The following MCM9 variants were observed in gnomAD, a reference collection of about 807,000 sequenced individuals.
MCM9 encodes DNA helicase MCM9.
MCM9 carries 55 observed loss-of-function variants against 72.8 expected under a neutral mutation model. That is an observed-to-expected ratio of 0.76 (90% CI 0.61 to 0.95). MCM9 has a LOEUF of 0.95. MCM9 is among the 40% of genes least tolerant of loss of function. The probability of loss-of-function intolerance (pLI) is 0.00; values close to 1 mark genes in which losing one functional copy is unlikely to be tolerated. For synonymous variants in MCM9, 480 were observed against 503.4 expected (o/e 0.95, Z 0.62); for missense variants, 1,279 against 1,377.0 (o/e 0.93, Z 1.13).
chr6:118,873,917 CA>C (rs1302215084), intron 8 of MCM9, among the ~76,000 whole-genome samples: 1 of 152,092 alleles, frequency 6.6e-6, no homozygotes, highest in East Asian at 1.9e-4. Context: ...AAGAATTGTA[CA>C]CCATGAACAA....
chr6:118,929,854 T>C (rs1004517047), intron 3 of MCM9, among the ~76,000 whole-genome samples: 2 of 152,102 alleles, frequency 1.3e-5, no homozygotes, highest in Admixed American at 6.6e-5. Flanking sequence ...CTTGATCCCA[T>C]CAAGAGATTA....
chr6:118,907,824 T>C, intron 8 of MCM9: 1 of 491,884 alleles, frequency 2.0e-6, no homozygotes, highest in Non-Finnish European at 3.6e-6. Context: ...TGTGTTATTT[T>C]ATTTGTTCTG....
chr6:118,814,731 A>G lies in MCM9; in HGVS notation c.*93T>C. ...TTCAGAGTGATCCTCAATATGGCCA[A>G]TTGTTCTATACATTTATAAATACCA... On this transcript the variant is annotated 3_prime_UTR_variant, in exon 14 of 14. Coordinates refer to ENST00000619706, the MANE Select transcript of MCM9 (RefSeq NM_017696.3). 1 of 1,242,426 alleles carries G rather than the reference A, an allele frequency of 8.0e-7. No homozygotes were observed. Among genetic ancestry groups the G allele is most frequent in the Non-Finnish European group, 1.1e-6 (1 of 920,720 alleles). 77.0% of individuals were successfully genotyped at this position (1,242,426 alleles called of 1,614,324 possible). A position where few individuals can be genotyped will look rare whatever the true frequency, so the allele number is the denominator to read the frequency against.
In MCM9 at chr6:118,916,365, C is replaced by T. The variant is rs1232195052; in HGVS notation, c.904+1196G>A. Among the ~76,000 whole-genome samples, 3 of 145,602 alleles carry T rather than the reference C, an allele frequency of 2.1e-5. No individual in the cohort carries two copies. In the South Asian group the frequency reaches 6.5e-4, roughly 31 times the overall value. On this transcript the variant is annotated intron_variant, in intron 6 of 13. Coordinates refer to ENST00000619706, the MANE Select transcript of MCM9 (RefSeq NM_017696.3). Reference sequence around the variant, plus strand: ...AATGTGCTATACATTTACACACACACACAAAAAAAAAAGAAAAAAGAAAAA... The same window carrying T: ...AATGTGCTATACATTTACACACACATACAAAAAAAAAAGAAAAAAGAAAAA...
intron 8 of MCM9, among the ~76,000 whole-genome samples, chr6:118,906,578 G>C (rs753501439): frequency 6.6e-6 from 1 of 152,046 alleles, no homozygotes; most frequent in African/African-American, 2.4e-5. Flanking sequence ...CTATGAATAC[G>C]GTTATCTCAA....
intron 3 of MCM9, among the ~76,000 whole-genome samples, chr6:118,926,112 G>A (rs937720117): frequency 6.6e-6 from 1 of 152,096 alleles, no homozygotes; most frequent in Admixed American, 6.5e-5. Context: ...CCTAGCTGCT[G>A]GCAACCATTG....
rs1230749924 is a variant in MCM9, at chr6:118,894,320, G to A, written c.1150+17330C>T. 5 of 1,514,318 alleles carry A rather than the reference G, an allele frequency of 3.3e-6. No homozygotes were observed. The Admixed American group carries it at 6.3e-5, about 19-fold the overall frequency. 93.8% of individuals were successfully genotyped at this position (1,514,318 alleles called of 1,614,324 possible). On this transcript the variant is annotated intron_variant, in intron 8 of 13. Coordinates refer to ENST00000619706, the MANE Select transcript of MCM9 (RefSeq NM_017696.3). Reference sequence around the variant, plus strand: ...GCTGCACGACGTCTGGCCGGCGCTGGAGCGGGGGTCTGCGCTCTCCCGAGC... The same window carrying A: ...GCTGCACGACGTCTGGCCGGCGCTGAAGCGGGGGTCTGCGCTCTCCCGAGC...
chr6:118,837,581 G>A (rs1775050266), intron 9 of MCM9, among the ~76,000 whole-genome samples: 1 of 152,188 alleles, frequency 6.6e-6, no homozygotes, highest in Admixed American at 6.5e-5. Flanking sequence ...ATTCAGGATA[G>A]TTAGGTCTTC....
chr6:118,845,790 T>C (rs940869313), intron 9 of MCM9, among the ~76,000 whole-genome samples: 2 of 151,790 alleles, frequency 1.3e-5, no homozygotes, highest in African/African-American at 4.9e-5. Context: ...AACTGAATTT[T>C]TTATAGAAAT....
At position 118,934,992 on chromosome 6, in the gene MCM9, T is replaced by G. The variant is rs1782794033; in HGVS notation, c.-251A>C. On this transcript the variant is annotated 5_prime_UTR_variant, in exon 1 of 14. Coordinates refer to ENST00000619706, the MANE Select transcript of MCM9 (RefSeq NM_017696.3). ...TTCGTCTCCGGCGCAAGAAGGCTGG[T>G]GAGGCGGAGTGCGCGCGTGCACGTG... 1 of 152,142 alleles carries G rather than the reference T, an allele frequency of 6.6e-6. No homozygotes were observed. The highest frequency in any genetic ancestry group is 1.5e-5 in the Non-Finnish European group (1 of 68,048). 9.4% of individuals were successfully genotyped at this position (152,142 alleles called of 1,614,324 possible).
intron 1 of MCM9, chr6:118,934,401 G>A (rs1016805574): frequency 2.0e-5 from 3 of 152,176 alleles, no homozygotes; most frequent in African/African-American, 4.8e-5. Context: ...TTGTCCTCTT[G>A]ACCACAGCGA....
intron 13 of MCM9, among the ~76,000 whole-genome samples, chr6:118,817,646 G>T (rs1773498987): frequency 6.6e-6 from 1 of 152,058 alleles, no homozygotes; most frequent in Admixed American, 6.6e-5. Context: ...TCCTTTGGGT[G>T]TATACTCAGT....
In MCM9 at chr6:118,911,742, T is replaced by A; in HGVS notation, c.1058A>T (p.Asp353Val). ...RGESHLLLVG[D>V]PGTGKSQFLK... ...GAACTGAGATTTCCCTGTGCCAGGATCCCCAACCAATAAAAGATGAGATTC... is the reference window on the plus strand; with the variant it reads ...GAACTGAGATTTCCCTGTGCCAGGAACCCCAACCAATAAAAGATGAGATTC... The change falls in exon 8 of 14, where the codon GAT (aspartate) becomes GTT (valine). Residue 353 changes from aspartate (D) to valine (V), a missense_variant. Coordinates refer to ENST00000619706, the MANE Select transcript of MCM9 (RefSeq NM_017696.3). The A allele has an allele frequency of 1.9e-6, 3 of 1,613,296 alleles. No individual in the cohort carries two copies. Among genetic ancestry groups the A allele is most frequent in the Non-Finnish European group, 2.5e-6 (3 of 1,179,708 alleles).
chr6:118,895,000 C>T (rs1361695496), intron 8 of MCM9, among the ~76,000 whole-genome samples: 2 of 152,166 alleles, frequency 1.3e-5, no homozygotes, highest in Non-Finnish European at 2.9e-5. Flanking sequence ...GCGCACGGCG[C>T]CTCCTCTTGC....
At chr6:118,837,086 T>C (rs1407776987) in intron 9 of MCM9, among the ~76,000 whole-genome samples, 1 of 152,228 alleles carries the variant, frequency 6.6e-6, no homozygotes, top group East Asian at 1.9e-4. Context: ...TTGTTCTCAT[T>C]GGTTTCAAAG....
At position 118,815,573 on chromosome 6, in the gene MCM9, T is replaced by C; in HGVS notation, c.2683A>G (p.Arg895Gly). 1 of 1,550,440 alleles carries C rather than the reference T, an allele frequency of 6.4e-7. No homozygotes were observed. Among genetic ancestry groups the C allele is most frequent in the Non-Finnish European group, 8.7e-7 (1 of 1,146,952 alleles). The change falls in exon 14 of 14, where the codon AGA becomes GGA. Residue 895 changes from arginine (R) to glycine (G), a missense_variant. By Grantham distance (125) the Arg-to-Gly change is moderately radical. Coordinates refer to ENST00000619706, the MANE Select transcript of MCM9 (RefSeq NM_017696.3). ...DRMLDSPKRK[R>G]PKSLAQVEEP... ...TCCACTTGCGCAAGGGATTTCGGTC[T>C]CTTTCTTTTGGGTGAGTCCAGCATT...
chr6:118,924,889 A>T (rs1164994164), intron 3 of MCM9, among the ~76,000 whole-genome samples: 5 of 152,112 alleles, frequency 3.3e-5, no homozygotes, highest in Non-Finnish European at 4.4e-5. Flanking sequence ...ATAAAAAATT[A>T]AAAAATCAGC....
At position 118,917,637 on chromosome 6, in the gene MCM9, T is replaced by C; in HGVS notation, c.828A>G (p.Ser276=). Residue 276 remains serine, a synonymous_variant, in exon 6 of 14, where the codon TCA becomes TCG. Coordinates refer to ENST00000619706, the MANE Select transcript of MCM9 (RefSeq NM_017696.3). ...GGACCTCCTCATCCATGATGATCCC[T>C]GAGGACTGCTCATTATTTACTTGGA... is the stretch of plus-strand genomic sequence containing the variant. ...NYIQVNNEQS[S]GIIMDEEVQK... is the part of the protein sequence containing the mutation. The C allele has an allele frequency of 6.2e-7, 1 of 1,614,210 alleles. No individual in the cohort carries two copies.
chr6:118,859,446 A>C (rs1052768921), intron 8 of MCM9, among the ~76,000 whole-genome samples: 2 of 152,374 alleles, frequency 1.3e-5, no homozygotes, highest in African/African-American at 4.8e-5. Context: ...TAGACCCATC[A>C]GAGAAATGAG....
Sources: gnomAD v4.1 joint callset for allele counts (sites outside exome capture counted in the v4.1 genomes callset) on GRCh38, gnomAD v4.1.1 for gene constraint, MANE v1.5 for transcripts, NCBI Gene and HGNC (gene_info 2026-07-23, HGNC 2026-07-21) for gene names.